Variants in RYR3 observed in about 807,000 individuals in gnomAD.
RYR3 encodes ryanodine receptor 3.
A neutral mutation model predicts 584.3 loss-of-function variants in RYR3; 207 were observed. The ratio of observed to expected loss-of-function variants is 0.35; its 90% CI spans 0.32 to 0.40. The LOEUF is 0.40. Among genes scored for constraint, RYR3 ranks in the 10% least tolerant of loss-of-function variants. The probability of loss-of-function intolerance (pLI) is 1.00; values close to 1 mark genes in which losing one functional copy is unlikely to be tolerated. For synonymous variants in RYR3, 2,416 were observed against 2,248.5 expected (o/e 1.07, Z -2.11); for missense variants, 5,616 against 6,089.2 (o/e 0.92, Z 2.59).
At position 33,772,112 on chromosome 15, in the gene RYR3, C is replaced by A; in HGVS notation, c.9009C>A (p.Ser3003=). ...TTVALLPILT[S]IFEHVTQHQF... is the part of the protein sequence containing the mutation. ...TGGCTCTGCTCCCCATCCTGACGTC[C>A]ATCTTTGAGCACGTCACTCAGCATC... Residue 3003 remains serine, a synonymous_variant, in exon 63 of 104, where the codon TCC becomes TCA. Transcript: ENST00000634891. 1 of 1,613,614 alleles carries A rather than the reference C, an allele frequency of 6.2e-7. No individual in the cohort carries two copies. Among genetic ancestry groups the A allele is most frequent in the Non-Finnish European group, 8.5e-7 (1 of 1,179,682 alleles).
chr15:33,360,398 C>G (rs1256834758), intron 1 of RYR3, among the ~76,000 whole-genome samples: 1 of 152,124 alleles, frequency 6.6e-6, no homozygotes, highest in Non-Finnish European at 1.5e-5. Flanking sequence ...TGCCTGATTT[C>G]TTTTTCTCAG....
chr15:33,463,609 T>A (rs2048221040), intron 1 of RYR3, among the ~76,000 whole-genome samples: 1 of 152,174 alleles, frequency 6.6e-6, no homozygotes, highest in Non-Finnish European at 1.5e-5. Flanking sequence ...AACAGCATGT[T>A]CTGCCTGAGA....
chr15:33,421,200 G>T (rs574370329), intron 1 of RYR3, among the ~76,000 whole-genome samples: 1 of 152,306 alleles, frequency 6.6e-6, no homozygotes, highest in East Asian at 1.9e-4. Flanking sequence ...TGCATAAGGA[G>T]ACCAGAGAGA....
At chr15:33,409,816 G>A (rs1160656962) in intron 1 of RYR3, among the ~76,000 whole-genome samples, 1 of 152,090 alleles carries the variant, frequency 6.6e-6, no homozygotes, top group African/African-American at 2.4e-5. Context: ...TCAAGAACTT[G>A]TCTTGTAGAC....
At chr15:33,615,763 AC>A (rs773455965) in intron 19 of RYR3, among the ~76,000 whole-genome samples, 1 of 152,230 alleles carries the variant, frequency 6.6e-6, no homozygotes, top group Non-Finnish European at 1.5e-5. Flanking sequence ...ATTCTCATTG[AC>A]AGCCATCAGA....
chr15:33,658,717 A>C (rs906040020), intron 32 of RYR3, among the ~76,000 whole-genome samples: 1 of 152,250 alleles, frequency 6.6e-6, no homozygotes, highest in Admixed American at 6.5e-5. Flanking sequence ...TCTTGAAAAC[A>C]CTTTAGTAAT....
chr15:33,728,369 G>A (rs1567039721), intron 46 of RYR3, among the ~76,000 whole-genome samples: 1 of 152,178 alleles, frequency 6.6e-6, no homozygotes, highest in Non-Finnish European at 1.5e-5. Context: ...GAAGTAATAA[G>A]CTCTAGTATT....
chr15:33,349,727 A>T (rs1490227173), intron 1 of RYR3, among the ~76,000 whole-genome samples: 1 of 134,888 alleles, frequency 7.4e-6, no homozygotes, highest in Non-Finnish European at 1.6e-5. Context: ...TATATCTCCC[A>T]ATGCTATCCC....
intron 60 of RYR3, 78 bp downstream of exon 60, chr15:33,757,674 G>T: frequency 6.7e-7 from 1 of 1,486,976 alleles, no homozygotes; most frequent in Non-Finnish European, 9.2e-7. Flanking sequence ...GGACTAAAAG[G>T]CGAGTCTTTT....
chr15:33,840,873 G>C lies in RYR3; in HGVS notation c.13027G>C (p.Glu4343Gln). ...ANEAEGKVESEKADMEDGEKE... is the reference protein window; with the variant it reads ...ANEAEGKVESQKADMEDGEKE... ...TGAAGCAGAAGGAAAAGTAGAATCC[G>C]AGAAGGCAGAGTAAGTTCTTGGTAG... Residue 4343 changes from glutamate (E) to glutamine (Q), a missense_variant, in exon 90 of 104, where the codon GAG becomes CAG. Glu to Gln is a conservative substitution (Grantham distance 29). Coordinates refer to ENST00000634891, the MANE Select transcript of RYR3 (RefSeq NM_001036.6). 6.2e-7 allele frequency: 1 copy of C among 1,613,782 alleles called. No individual in the cohort carries two copies. The highest frequency in any genetic ancestry group is 8.5e-7 in the Non-Finnish European group (1 of 1,179,796).
chr15:33,401,451 C>T (rs1398765150), intron 1 of RYR3, among the ~76,000 whole-genome samples: 1 of 151,418 alleles, frequency 6.6e-6, no homozygotes, highest in East Asian at 1.9e-4. Flanking sequence ...CCAAATCTTA[C>T]ATTCAGCATT....
chr15:33,838,296 G>A lies in RYR3; in HGVS notation c.12316G>A (p.Asp4106Asn), dbSNP rs201420241. 63 of 1,613,986 alleles carry A rather than the reference G, an allele frequency of 3.9e-5. No homozygotes were observed. In the East Asian group the frequency reaches 1.2e-3, roughly 30 times the overall value. ...GTTAGCATCTCAGATCTCTGAATCC[G>A]ATTCAGCTGACAGGCCAGAAGAGGA... Reference protein sequence around the residue: ...MQLASQISESDSADRPEEEEE... With the variant: ...MQLASQISESNSADRPEEEEE... The change falls in exon 89 of 104, where the codon GAT (aspartate) becomes AAT (asparagine). Residue 4106 changes from aspartate to asparagine, a missense_variant. This residue lies in a region of RYR3 where 258 missense variants were observed against 297.3 expected (regional missense o/e 0.87). Transcript: ENST00000634891.
At chr15:33,693,536 T>C (rs2065604925) in intron 38 of RYR3, among the ~76,000 whole-genome samples, 2 of 152,232 alleles carry the variant, frequency 1.3e-5, no homozygotes, top group African/African-American at 4.8e-5. Flanking sequence ...TAAGAGGCAT[T>C]CCCTCCCTAA....
chr15:33,812,833 C>T, intron 72 of RYR3, 30 bp from the exon 73 acceptor site: 1 of 1,608,418 alleles, frequency 6.2e-7, no homozygotes, highest in African/African-American at 1.3e-5. Flanking sequence ...CAGGAAATTC[C>T]TCATCTTATG....
intron 94 of RYR3, chr15:33,850,381 CA>C (rs201757842): frequency 9.9e-4 from 131 of 132,878 alleles, no homozygotes; most frequent in Admixed American, 9.9e-4. Context: ...GACTTCATCT[CA>C]AAAAAAAAAA....
chr15:33,726,942 G>A (rs1596328487), intron 46 of RYR3, among the ~76,000 whole-genome samples: 1 of 152,196 alleles, frequency 6.6e-6, no homozygotes, highest in South Asian at 2.1e-4. Context: ...ACTTCAATCT[G>A]CTCTCTTGTC....
chr15:33,801,266 G>A (rs1052784222), intron 68 of RYR3, among the ~76,000 whole-genome samples: 1 of 152,198 alleles, frequency 6.6e-6, no homozygotes, highest in Admixed American at 6.5e-5. Flanking sequence ...CGGTGTCTGA[G>A]TTAAGACAAA....
At chr15:33,756,425 T>C (rs1024863311) in intron 59 of RYR3, 52 bp downstream of exon 59, 9 of 1,313,018 alleles carry the variant, frequency 6.9e-6, no homozygotes, top group Admixed American at 2.0e-5. Context: ...ATCTCTACTA[T>C]TTAGGAAACA....
chr15:33,672,547 T>C (rs1433244559), intron 38 of RYR3, among the ~76,000 whole-genome samples: 2 of 152,252 alleles, frequency 1.3e-5, no homozygotes, highest in East Asian at 3.9e-4. Context: ...ACATGATGAA[T>C]CCCCTCACTC....
Sources: gnomAD v4.1 joint callset for allele counts (sites outside exome capture counted in the v4.1 genomes callset) on GRCh38, gnomAD v4.1.1 for gene constraint, gnomAD v4.1.1 regional missense constraint, MANE v1.5 for transcripts, NCBI Gene and HGNC (gene_info 2026-07-23, HGNC 2026-07-21) for gene names.